The following IL17RB variants were observed in gnomAD, a reference collection of about 807,000 sequenced individuals.
IL17RB encodes interleukin 17 receptor B.
IL17RB carries 36 observed loss-of-function variants against 43.9 expected under a neutral mutation model. That is an observed-to-expected ratio of 0.82 (90% CI 0.63 to 1.08). The LOEUF (loss-of-function observed/expected upper bound fraction) is 1.08. Ranked by LOEUF, IL17RB falls within the 50% of genes least tolerant of loss-of-function variation. The pLI is 0.00. For synonymous variants in IL17RB, 225 were observed against 225.4 expected, an observed-to-expected ratio of 1.00 and a Z score of 0.02; for missense variants, 613 against 613.6, an observed-to-expected ratio of 1.00 and a Z score of 0.01.
intron 10 of IL17RB, among the ~76,000 whole-genome samples, chr3:53,862,020 A>G (rs945332969): frequency 1.3e-5 from 2 of 152,186 alleles, no homozygotes; most frequent in African/African-American, 4.8e-5. Context: ...AAAGATAAAC[A>G]CCAGCTGCCA....
In IL17RB at chr3:53,857,638, G is replaced by C. The variant is rs2232343; in HGVS notation, c.695G>C (p.Arg232Pro). ...AAGCCACACCAGAAGAAACAAACGC[G>C]AGCTTCAGTGGTGATTCCAGTGACT... The part of the protein sequence containing the change: ...VFEPHQKKQT[R>P]ASVVIPVTGD... The change falls in exon 8 of 11, where the codon CGA becomes CCA. Residue 232 changes from arginine (R) to proline (P), a missense_variant. Arg to Pro is a moderately radical substitution (Grantham distance 103, BLOSUM62 -2). Transcript: ENST00000288167. 5 of 1,614,048 alleles carry C rather than the reference G, an allele frequency of 3.1e-6. No individual in the cohort carries two copies. The highest frequency in any genetic ancestry group is 2.7e-5 in the African/African-American group (2 of 74,924).
intron 3 of IL17RB, among the ~76,000 whole-genome samples, chr3:53,850,243 T>C (rs1447734245): frequency 1.6e-4 from 25 of 152,238 alleles, no homozygotes; most frequent in Admixed American, 1.6e-3. Flanking sequence ...ACGCCTGTAA[T>C]CCCAGCACTT....
intron 10 of IL17RB, among the ~76,000 whole-genome samples, chr3:53,862,325 A>C (rs1699591684): frequency 6.6e-6 from 1 of 152,182 alleles, no homozygotes; most frequent in Non-Finnish European, 1.5e-5. Flanking sequence ...GATTGTCAAC[A>C]CTATGGACGA....
chr3:53,848,923 A>G (rs1384270672), intron 2 of IL17RB, among the ~76,000 whole-genome samples: 1 of 152,240 alleles, frequency 6.6e-6, no homozygotes, highest in Non-Finnish European at 1.5e-5. Flanking sequence ...GGGACTTGCC[A>G]TACAAGGTGG....
chr3:53,865,467 T>C lies in IL17RB; in HGVS notation c.*159T>C, dbSNP rs1316758364. 1 of 562,320 alleles carries C rather than the reference T, an allele frequency of 1.8e-6. No homozygotes were observed. The highest frequency in any genetic ancestry group is 3.1e-6 in the Non-Finnish European group (1 of 326,066). The allele number at this position is 562,320 out of a possible 1,614,324, so 34.8% of individuals were successfully genotyped here. The stretch of plus-strand genomic sequence containing the variant: ...AATTTTCAAATATTGCTAACTAATG[T>C]AGCATTAACTAACGATTGGAAACTA... On this transcript the variant is annotated 3_prime_UTR_variant, in exon 11 of 11. Coordinates refer to ENST00000288167, the MANE Select transcript of IL17RB (RefSeq NM_018725.4).
chr3:53,861,269 C>T (rs1464666014), intron 10 of IL17RB: 2 of 151,530 alleles, frequency 1.3e-5, no homozygotes, highest in Admixed American at 1.3e-4. Flanking sequence ...TCCCAAGAAG[C>T]AGTGTCATGA....
At chr3:53,851,181 T>C (rs1244520127) in intron 3 of IL17RB, among the ~76,000 whole-genome samples, 1 of 152,214 alleles carries the variant, frequency 6.6e-6, no homozygotes, top group Non-Finnish European at 1.5e-5. Flanking sequence ...CCCATCCTTT[T>C]GGTTTCCATC....
At chr3:53,850,352 C>T (rs1365846830) in intron 3 of IL17RB, among the ~76,000 whole-genome samples, 1 of 150,812 alleles carries the variant, frequency 6.6e-6, no homozygotes, top group Non-Finnish European at 1.5e-5. Flanking sequence ...CAAAAATTAG[C>T]CAGATGTGGT....
chr3:53,853,026 T>C, intron 5 of IL17RB, 29 bp downstream of exon 5: 1 of 1,613,460 alleles, frequency 6.2e-7, no homozygotes, highest in Non-Finnish European at 8.5e-7. Context: ...TTATTATTCT[T>C]TGTCTTGCTG....
intron 3 of IL17RB, among the ~76,000 whole-genome samples, chr3:53,850,800 C>CAAAAT (rs59205078): frequency 1.5e-3 from 232 of 150,034 alleles, no homozygotes; most frequent in African/African-American, 3.0e-3. Context: ...GAGACTGTCT[C>CAAAAT]AAAATAAAAT....
At chr3:53,862,541 T>TG (rs1477987650) in intron 10 of IL17RB, among the ~76,000 whole-genome samples, 1 of 151,712 alleles carries the variant, frequency 6.6e-6, no homozygotes, top group Non-Finnish European at 1.5e-5. Context: ...GCAAAAAAGG[T>TG]GGGGGGTGAA....
At chr3:53,859,464 G>C in intron 9 of IL17RB, 1 of 152,468 alleles carries the variant, frequency 6.6e-6, no homozygotes, top group Admixed American at 6.5e-5. Flanking sequence ...TTGTGCGTGG[G>C]CGAAGCCTTA....
rs1231030505 is a variant in IL17RB, at chr3:53,846,583, C to T, written c.-6C>T. 3 of 1,577,474 alleles carry T rather than the reference C, an allele frequency of 1.9e-6. 1 individual carries two copies. In the South Asian group the frequency reaches 3.5e-5, roughly 18 times the overall value. On this transcript the variant is annotated 5_prime_UTR_variant, in exon 1 of 11. Transcript: ENST00000288167. ...GGTGGCCTGGATCCCGCGCAGTGGC[C>T]CGGCGATGTCGCTCGTGCTGCTAAG...
intron 5 of IL17RB, among the ~76,000 whole-genome samples, chr3:53,854,786 G>A (rs186602577): frequency 6.6e-6 from 1 of 152,364 alleles, no homozygotes; most frequent in Non-Finnish European, 1.5e-5. Context: ...TCATGTCCTT[G>A]AAGGGGCAGC....
chr3:53,849,113 G>T (rs1201161428), intron 2 of IL17RB, among the ~76,000 whole-genome samples: 1 of 152,214 alleles, frequency 6.6e-6, no homozygotes, highest in Non-Finnish European at 1.5e-5. Context: ...GAGGAGAGAT[G>T]GCACCAGCAA....
Position 53,857,606 on chromosome 3 carries a change from C to T in IL17RB, c.673-10C>T. 6.2e-7 allele frequency: 1 copy of T among 1,613,710 alleles called. No homozygotes were observed. The highest frequency in any genetic ancestry group is 8.5e-7 in the Non-Finnish European group (1 of 1,179,604). On this transcript the variant is annotated splice_polypyrimidine_tract_variant and intron_variant, in intron 7 of 10. Coordinates refer to ENST00000288167, the MANE Select transcript of IL17RB (RefSeq NM_018725.4). ...GGCACCTCATAATTCTTGACTCTCT[C>T]TCTCTTAAGCCACACCAGAAGAAAC...
intron 6 of IL17RB, among the ~76,000 whole-genome samples, chr3:53,856,236 G>C (rs1020159600): frequency 1.3e-5 from 2 of 152,202 alleles, no homozygotes; most frequent in East Asian, 3.8e-4. Context: ...AATTTCTGCT[G>C]TTATACATTG....
At chr3:53,855,192 T>A in intron 5 of IL17RB, 102 bp from the exon 6 acceptor site, 1 of 530,486 alleles carries the variant, frequency 1.9e-6, no homozygotes, top group Non-Finnish European at 3.4e-6. Flanking sequence ...TTTTGGCAAT[T>A]TGTTACAGGT....
At position 53,856,940 on chromosome 3, in the gene IL17RB, C is replaced by G; in HGVS notation, c.626C>G (p.Ala209Gly). 1.2e-6 allele frequency: 2 copies of G among 1,614,116 alleles called. No individual in the cohort carries two copies. The highest frequency in any genetic ancestry group is 1.7e-6 in the Non-Finnish European group (2 of 1,179,992). ...TTTPLGNRYM[A>G]LIQHSTIIGF... ...ACTCCCCTGGGAAACAGATACATGG[C>G]TCTTATCCAACACAGCACTATCATC... The change falls in exon 7 of 11, where the codon GCT becomes GGT. Residue 209 changes from alanine to glycine, a missense_variant. Physicochemically the swap from Ala to Gly is moderately conservative, Grantham distance 60. Transcript: ENST00000288167.
Sources: allele counts gnomAD v4.1 joint callset (sites outside exome capture counted in the v4.1 genomes callset), GRCh38; gene constraint gnomAD v4.1.1; transcripts MANE v1.5; gene names NCBI Gene and HGNC (gene_info 2026-07-23, HGNC 2026-07-21).